The following TMTC4 variants were observed in gnomAD, a reference collection of about 807,000 sequenced individuals.
TMTC4 encodes the protein transmembrane O-mannosyltransferase targeting cadherins 4.
Under a neutral mutation model 86.0 loss-of-function variants are expected in TMTC4, and 65 were observed. The observed-to-expected ratio is 0.76, with a 90% CI of 0.62 to 0.93. TMTC4 has a LOEUF of 0.93. Among genes scored for constraint, TMTC4 ranks in the 40% least tolerant of loss-of-function variants. The pLI, the probability that TMTC4 is intolerant of heterozygous loss-of-function variation, is 0.00. For synonymous variants in TMTC4, 379 were observed against 382.5 expected, an observed-to-expected ratio of 0.99 and a Z score of 0.11; for missense variants, 866 against 948.1, an observed-to-expected ratio of 0.91 and a Z score of 1.14.
chr13:100,621,253 T>A (rs146780934), intron 15 of TMTC4, among the ~76,000 whole-genome samples: 38 of 152,114 alleles, frequency 2.5e-4, no homozygotes, highest in African/African-American at 8.9e-4. Context: ...ATTTTCCAAA[T>A]CCCAAGGAAC....
intron 12 of TMTC4, among the ~76,000 whole-genome samples, chr13:100,627,204 G>A (rs924869398): frequency 4.6e-5 from 7 of 152,224 alleles, no homozygotes; most frequent in African/African-American, 1.7e-4. Flanking sequence ...AGGGATGCAG[G>A]TTGGAGAGCC....
Position 100,634,719 on chromosome 13 carries a change from C to T in TMTC4, c.1506+86G>A, listed in dbSNP as rs111535162. 1,596 of 1,499,714 alleles carry T rather than the reference C, an allele frequency of 1.1e-3. 1 individual carries two copies. Among genetic ancestry groups the T allele is most frequent in the Non-Finnish European group, 1.3e-3 (1,426 of 1,117,584 alleles). 92.9% of individuals were successfully genotyped at this position (1,499,714 alleles called of 1,614,324 possible). On this transcript the variant is annotated intron_variant, in intron 12 of 18. Coordinates refer to ENST00000342624, the MANE Select transcript of TMTC4 (RefSeq NM_032813.5). Reference sequence around the variant, plus strand: ...GGTCATGGTCTTACACTAAATACTGCGCGACAGGAAATGTTCTTATTCAGC... The same window carrying T: ...GGTCATGGTCTTACACTAAATACTGTGCGACAGGAAATGTTCTTATTCAGC...
chr13:100,624,691 G>C (rs1880177554), intron 15 of TMTC4, among the ~76,000 whole-genome samples: 1 of 152,212 alleles, frequency 6.6e-6, no homozygotes, highest in Non-Finnish European at 1.5e-5. Context: ...AGGCTAAGCT[G>C]GATAAAATCT....
chr13:100,636,791 T>C (rs1259472094), intron 9 of TMTC4, 57 bp from the exon 10 acceptor site: 2 of 1,568,622 alleles, frequency 1.3e-6, no homozygotes, highest in East Asian at 2.3e-5. Flanking sequence ...AAAACACATA[T>C]ATACGCACTA....
chr13:100,662,872 A>G (rs1169442902), intron 5 of TMTC4, 92 bp downstream of exon 5: 2 of 1,401,910 alleles, frequency 1.4e-6, no homozygotes, highest in African/African-American at 2.9e-5. Context: ...AGATGGGTAC[A>G]TAAAGGGAGC....
At chr13:100,667,977 T>C (rs1236943205) in intron 3 of TMTC4, among the ~76,000 whole-genome samples, 1 of 152,182 alleles carries the variant, frequency 6.6e-6, no homozygotes, top group Non-Finnish European at 1.5e-5. Flanking sequence ...TAGCAACCAC[T>C]GGTAAGCAAA....
intron 2 of TMTC4, among the ~76,000 whole-genome samples, chr13:100,669,561 C>A (rs978497413): frequency 2.0e-5 from 3 of 152,146 alleles, no homozygotes; most frequent in African/African-American, 7.2e-5. Flanking sequence ...ACTTTTCTTT[C>A]AAATGGGCAT....
In TMTC4 at chr13:100,662,969, C is replaced by T. The variant is rs770073741; in HGVS notation, c.547G>A (p.Glu183Lys). 7 of 1,613,568 alleles carry T rather than the reference C, an allele frequency of 4.3e-6. No homozygotes were observed. The East Asian group carries it at 1.1e-4, about 26-fold the overall frequency. ...LLFAVHPVHT[E>K]CVAGVVGRAD... ...CTCGGGCAGACGACACTTACACACT[C>T]GGTGTGCACAGGATGGACAGCAAAC... Residue 183 changes from glutamate (E) to lysine (K), a missense_variant, in exon 5 of 19, where the codon GAG (glutamate) becomes AAG (lysine). By Grantham distance (56) the Glu-to-Lys change is moderately conservative. Coordinates refer to ENST00000342624, the MANE Select transcript of TMTC4 (RefSeq NM_032813.5).
rs60782137 is a variant in TMTC4, at chr13:100,612,654, T to TACAC, written c.1952-148_1952-145dup. On this transcript the variant is annotated intron_variant, in intron 16 of 18. Coordinates refer to ENST00000342624, the MANE Select transcript of TMTC4 (RefSeq NM_032813.5). ...AAGAAAATCTGTGTAGATCATGTAA[T>TACAC]ACACACACACACACACACACACACA... 3,608 of 448,396 alleles carry TACAC rather than the reference T, an allele frequency of 8.0e-3. 28 individuals are homozygous for TACAC. Among genetic ancestry groups the TACAC allele is most frequent in the African/African-American group, 0.021 (940 of 45,070 alleles). 27.8% of individuals were successfully genotyped at this position (448,396 alleles called of 1,614,324 possible). A position where few individuals can be genotyped will look rare whatever the true frequency, so the allele number is the denominator to read the frequency against.
intron 3 of TMTC4, among the ~76,000 whole-genome samples, chr13:100,668,091 G>T (rs960675055): frequency 4.6e-5 from 7 of 152,110 alleles, no homozygotes; most frequent in African/African-American, 1.7e-4. Context: ...CCCAGCAGCT[G>T]TCAGCAGGCT....
intron 3 of TMTC4, chr13:100,668,378 G>T (rs749110067): frequency 7.6e-5 from 45 of 591,548 alleles, no homozygotes; most frequent in Non-Finnish European, 1.2e-4. Flanking sequence ...TGAGGCAGGG[G>T]TTCAGAACCT....
intron 6 of TMTC4, among the ~76,000 whole-genome samples, chr13:100,645,102 G>A (rs1343203688): frequency 1.3e-5 from 2 of 152,164 alleles, no homozygotes; most frequent in Non-Finnish European, 2.9e-5. Context: ...GTGAGCCACT[G>A]CACCCGGCCT....
intron 12 of TMTC4, among the ~76,000 whole-genome samples, chr13:100,630,794 T>C (rs1001455082): frequency 6.6e-6 from 1 of 152,158 alleles, no homozygotes; most frequent in Non-Finnish European, 1.5e-5. Context: ...CTCTGCAGTA[T>C]AGACAGTGTT....
chr13:100,663,198 G>A lies in TMTC4; in HGVS notation c.336-18C>T. 1 of 1,612,848 alleles carries A rather than the reference G, an allele frequency of 6.2e-7. No individual in the cohort carries two copies. Among genetic ancestry groups the A allele is most frequent in the Non-Finnish European group, 8.5e-7 (1 of 1,178,860 alleles). Reference sequence around the variant, plus strand: ...AGTTAATCCTGCAGAAACACAGGGTGTTCAGGGTACACGCGCAGCGGCATG... The same window carrying A: ...AGTTAATCCTGCAGAAACACAGGGTATTCAGGGTACACGCGCAGCGGCATG... On this transcript the variant is annotated intron_variant, in intron 4 of 18. Transcript: ENST00000342624.
At chr13:100,618,403 T>C (rs2138750001) in intron 15 of TMTC4, among the ~76,000 whole-genome samples, 1 of 152,062 alleles carries the variant, frequency 6.6e-6, no homozygotes, top group South Asian at 2.1e-4. Flanking sequence ...TGGGCATCCT[T>C]GCCTGGTTCC....
intron 6 of TMTC4, among the ~76,000 whole-genome samples, chr13:100,646,914 G>C (rs1388743114): frequency 4.6e-5 from 7 of 152,200 alleles, no homozygotes; most frequent in Non-Finnish European, 1.0e-4. Flanking sequence ...GATAAGTATT[G>C]GCAGGCACTA....
chr13:100,609,664 A>G (rs887243488), intron 17 of TMTC4, among the ~76,000 whole-genome samples: 12 of 113,542 alleles, frequency 1.1e-4, no homozygotes, highest in Admixed American at 4.3e-4. Flanking sequence ...TTGAATGCTC[A>G]CTAAATGTAT....
intron 3 of TMTC4, chr13:100,666,111 C>G: frequency 2.2e-6 from 1 of 452,414 alleles, no homozygotes; most frequent in South Asian, 1.6e-5. Flanking sequence ...GGGTGTGCTA[C>G]AGAAAGAAAG....
At chr13:100,664,673 C>A (rs1045613273) in intron 3 of TMTC4, among the ~76,000 whole-genome samples, 10 of 152,128 alleles carry the variant, frequency 6.6e-5, no homozygotes, top group African/African-American at 2.4e-4. Flanking sequence ...TGGACAGTCA[C>A]CCTCAACTCT....
Sources: gnomAD v4.1 joint callset for allele counts (sites outside exome capture counted in the v4.1 genomes callset) on GRCh38, gnomAD v4.1.1 for gene constraint, MANE v1.5 for transcripts, NCBI Gene and HGNC (gene_info 2026-07-23, HGNC 2026-07-21) for gene names.